KCNQ1: variants seen among roughly 807,000 people sequenced by gnomAD.
KCNQ1 encodes potassium voltage-gated channel subfamily KQT member 1.
Under a neutral mutation model 72.4 loss-of-function variants are expected in KCNQ1, and 49 were observed. The observed-to-expected ratio is 0.68, with a 90% confidence interval of 0.54 to 0.86. The LOEUF (loss-of-function observed/expected upper bound fraction) is 0.86, where lower values mean the gene tolerates loss of function less well. KCNQ1 is among the 40% of genes least tolerant of loss of function. The probability of loss-of-function intolerance (pLI) is 0.00; values close to 1 mark genes in which losing one functional copy is unlikely to be tolerated. For missense variants in KCNQ1, 790 were observed against 945.1 expected, an observed-to-expected ratio of 0.84 and a Z score of 2.15; for synonymous variants, 450 against 412.6, an observed-to-expected ratio of 1.09 and a Z score of -1.10.
chr11:2,608,318 A>G lies in KCNQ1; in HGVS notation c.1393+19464A>G, dbSNP rs929760207. The G allele has an allele frequency of 7.5e-6, 3 of 398,386 alleles. No individual in the cohort carries two copies. Among genetic ancestry groups the G allele is most frequent in the Middle Eastern group, 6.3e-4 (1 of 1,588 alleles). The allele number at this position is 398,386 out of a possible 1,614,324, so 24.7% of individuals were successfully genotyped here. On this transcript the variant is annotated intron_variant, in intron 10 of 15. Coordinates refer to ENST00000155840, the MANE Select transcript of KCNQ1 (RefSeq NM_000218.3). This position sits in a 1 kb window ranked among gnomAD's most constrained non-coding sequence, Gnocchi z 4.6. ...TATTACAGATCCATTCACATTTTCT[A>G]CTTATTTCTTAGTCAGTTTTCATAG...
chr11:2,564,677 G>A lies in KCNQ1; in HGVS notation c.478-5951G>A, dbSNP rs1848221085. Among the ~76,000 whole-genome samples the A allele has an allele frequency of 1.3e-5, 2 of 152,292 alleles. No homozygotes were observed. Among genetic ancestry groups the A allele is most frequent in the South Asian group, 4.2e-4 (2 of 4,818 alleles). On this transcript the variant is annotated intron_variant, in intron 2 of 15. Transcript: ENST00000155840. The surrounding 1 kb of genome is among the most constrained non-coding windows in gnomAD (Gnocchi z 4.5). ...TCCTTGCGACCATCGCCACCATCCA[G>A]CTCCAGAGCTTTTTTCATCTTGCAA...
rs1846178395 is a variant in KCNQ1, at chr11:2,748,760, C to T, written c.1515-20084C>T. The stretch of plus-strand genomic sequence containing the variant: ...CCATCTGTCACGTGACAGGGGCAGG[C>T]TAGGCCTTTCTTGAACTCACTGTGA... On this transcript the variant is annotated intron_variant, in intron 11 of 15. Transcript: ENST00000155840. This position sits in a 1 kb window ranked among gnomAD's most constrained non-coding sequence, Gnocchi z 6.2. Among the ~76,000 whole-genome samples, 1 of 152,214 alleles carries T rather than the reference C, an allele frequency of 6.6e-6. No homozygotes were observed.
rs944481843 is a variant in KCNQ1 at position 2,772,876 on chromosome 11, C to G, written c.1591-3084C>G. On this transcript the variant is annotated intron_variant, in intron 12 of 15. Coordinates refer to ENST00000155840, the MANE Select transcript of KCNQ1 (RefSeq NM_000218.3). The surrounding 1 kb of genome is among the most constrained non-coding windows in gnomAD (Gnocchi z 6.6). ...CTCCCTTCACCTGCCCACACCGCACCCAGATGGCTGGAGGTGCCCCATGCT... is the reference window on the plus strand; with the variant it reads ...CTCCCTTCACCTGCCCACACCGCACGCAGATGGCTGGAGGTGCCCCATGCT... Among the ~76,000 whole-genome samples the G allele has an allele frequency of 6.6e-6, 1 of 152,204 alleles. No individual in the cohort carries two copies. The highest frequency in any genetic ancestry group is 1.5e-5 in the Non-Finnish European group (1 of 68,030).
At position 2,463,370 on chromosome 11, in the gene KCNQ1, C is replaced by T. The variant is rs944130443; in HGVS notation, c.386+17886C>T. 2.6e-5 allele frequency among the ~76,000 whole-genome samples: 4 copies of T among 152,150 alleles called. No homozygotes were observed. Among genetic ancestry groups the T allele is most frequent in the South Asian group, 2.1e-4 (1 of 4,828 alleles). On this transcript the variant is annotated intron_variant, in intron 1 of 15. Coordinates refer to ENST00000155840, the MANE Select transcript of KCNQ1 (RefSeq NM_000218.3). This position sits in a 1 kb window ranked among gnomAD's most constrained non-coding sequence, Gnocchi z 7.0. ...TTGCCCCCTCTATCCCCCAGATCGGCGGCTGCTCAAGGAGCCTGGTACAGC... is the reference window on the plus strand; with the variant it reads ...TTGCCCCCTCTATCCCCCAGATCGGTGGCTGCTCAAGGAGCCTGGTACAGC...
Position 2,537,613 on chromosome 11 carries a change from T to C in KCNQ1, c.477+9595T>C, listed in dbSNP as rs925869992. 1.3e-5 allele frequency among the ~76,000 whole-genome samples: 2 copies of C among 152,102 alleles called. No individual in the cohort carries two copies. The highest frequency in any genetic ancestry group is 1.3e-4 in the Admixed American group (2 of 15,284). ...GAACGAGCAGCTCCCAGGCACCCTC[T>C]GCCAGGTCAGCAGTGGCTTTCATCT... On this transcript the variant is annotated intron_variant, in intron 2 of 15. Coordinates refer to ENST00000155840, the MANE Select transcript of KCNQ1 (RefSeq NM_000218.3). The surrounding 1 kb of genome is among the most constrained non-coding windows in gnomAD (Gnocchi z 5.2).
rs1554922466 is a variant in KCNQ1 at position 2,787,892 on chromosome 11, T to TGAAA, written c.1794+9856_1794+9859dup. ...AAATTTTAATTTTAATTTATTAAAA[T>TGAAA]GAAAATTCCATTCCTGGATCTCAGT... On this transcript the variant is annotated intron_variant, in intron 15 of 15. Transcript: ENST00000155840. The surrounding 1 kb of genome is among the most constrained non-coding windows in gnomAD (Gnocchi z 6.3). Among the ~76,000 whole-genome samples the TGAAA allele has an allele frequency of 6.6e-6, 1 of 152,158 alleles. No homozygotes were observed. The highest frequency in any genetic ancestry group is 2.4e-5 in the African/African-American group (1 of 41,414).
Position 2,711,144 on chromosome 11 carries a change from T to C in KCNQ1, c.1514+49063T>C, listed in dbSNP as rs1850996250. Among the ~76,000 whole-genome samples, 1 of 152,254 alleles carries C rather than the reference T, an allele frequency of 6.6e-6. No homozygotes were observed. The highest frequency in any genetic ancestry group is 2.1e-4 in the South Asian group (1 of 4,836). Reference sequence around the variant, plus strand: ...CATTGTATTTGGATTTTTAAAAATTTGGTTCAAGAATATCTCATAGTTTTC... The same window carrying C: ...CATTGTATTTGGATTTTTAAAAATTCGGTTCAAGAATATCTCATAGTTTTC... On this transcript the variant is annotated intron_variant, in intron 11 of 15. Coordinates refer to ENST00000155840, the MANE Select transcript of KCNQ1 (RefSeq NM_000218.3). This position sits in a 1 kb window ranked among gnomAD's most constrained non-coding sequence, Gnocchi z 5.4.
intron 11 of KCNQ1, among the ~76,000 whole-genome samples, chr11:2,729,073 C>A (rs1357333708): frequency 6.6e-6 from 1 of 152,244 alleles, no homozygotes; most frequent in Non-Finnish European, 1.5e-5. Flanking sequence ...ACTCCCACCC[C>A]CCGCCTGCCC....
Position 2,679,428 on chromosome 11 carries a change from G to C in KCNQ1, c.1514+17347G>C. The C allele has an allele frequency of 2.5e-6, 1 of 398,550 alleles. No homozygotes were observed. The highest frequency in any genetic ancestry group is 4.4e-6 in the Non-Finnish European group (1 of 226,058). The allele number at this position is 398,550 out of a possible 1,614,324, so 24.7% of individuals were successfully genotyped here. ...AATCATAAGAGTACCTTCCTCAGAG[G>C]GTTGTTAGGAGGATTACACAAATTA... On this transcript the variant is annotated intron_variant, in intron 11 of 15. Transcript: ENST00000155840. This position sits in a 1 kb window ranked among gnomAD's most constrained non-coding sequence, Gnocchi z 4.8.
rs970723832 is a variant in KCNQ1 at position 2,682,574 on chromosome 11, CAGGCA to C, written c.1514+20495_1514+20499del. The C allele has an allele frequency of 1.5e-5, 6 of 398,450 alleles. No homozygotes were observed. The highest frequency in any genetic ancestry group is 1.2e-4 in the African/African-American group (6 of 48,600). 24.7% of individuals were successfully genotyped at this position (398,450 alleles called of 1,614,324 possible). ...GGTTCCATAAGGCTATGCTGGGGTT[CAGGCA>C]ACCCAAGGCTGGTCTGGAGAGTGTA... On this transcript the variant is annotated intron_variant, in intron 11 of 15. Transcript: ENST00000155840. The surrounding 1 kb of genome is among the most constrained non-coding windows in gnomAD (Gnocchi z 5.8).
intron 2 of KCNQ1, among the ~76,000 whole-genome samples, chr11:2,531,012 G>A (rs958730948): frequency 6.6e-6 from 1 of 152,094 alleles, no homozygotes; most frequent in South Asian, 2.1e-4. Flanking sequence ...CGGTGCTAAC[G>A]TGAGCCCACC....
chr11:2,572,186 A>C, intron 5 of KCNQ1, 77 bp downstream of exon 5: 1 of 1,102,292 alleles, frequency 9.1e-7, no homozygotes, highest in Non-Finnish European at 1.3e-6. Flanking sequence ...ACACTAGGAC[A>C]GCTTGAGATG....
At chr11:2,829,643 A>G (rs181443475) in intron 15 of KCNQ1, among the ~76,000 whole-genome samples, 125 of 152,170 alleles carry the variant, frequency 8.2e-4, no homozygotes, top group African/African-American at 2.8e-3. Flanking sequence ...TGAGAACAAA[A>G]TCTTGATCAC....
intron 11 of KCNQ1, among the ~76,000 whole-genome samples, chr11:2,701,172 G>T (rs1312301974): frequency 2.0e-5 from 3 of 152,194 alleles, no homozygotes. Flanking sequence ...GAAAATATAC[G>T]TCTACGGGAG....
chr11:2,500,268 G>A (rs1217427027), intron 1 of KCNQ1, among the ~76,000 whole-genome samples: 3 of 152,130 alleles, frequency 2.0e-5, no homozygotes, highest in Non-Finnish European at 2.9e-5. Context: ...AAAAACATAT[G>A]AAAATGTGCT....
chr11:2,643,853 A>G, intron 10 of KCNQ1: 1 of 398,564 alleles, frequency 2.5e-6, no homozygotes, highest in Non-Finnish European at 4.4e-6. Flanking sequence ...GACGAATATA[A>G]CTTTGCTAAG....
In KCNQ1 at chr11:2,787,982, A is replaced by G. The variant is rs1255906878; in HGVS notation, c.1794+9945A>G. On this transcript the variant is annotated intron_variant, in intron 15 of 15. Coordinates refer to ENST00000155840, the MANE Select transcript of KCNQ1 (RefSeq NM_000218.3). This position sits in a 1 kb window ranked among gnomAD's most constrained non-coding sequence, Gnocchi z 6.3. ...TGGGACAGCGCTGCTTTGGACGGGC[A>G]TGGCCGTGCGCGCGTGTGGGGAGGT... Among the ~76,000 whole-genome samples, 1 of 152,216 alleles carries G rather than the reference A, an allele frequency of 6.6e-6. No individual in the cohort carries two copies.
chr11:2,585,128 C>A, intron 7 of KCNQ1, 84 bp from the exon 8 acceptor site: 1 of 1,243,912 alleles, frequency 8.0e-7, no homozygotes, highest in Non-Finnish European at 1.2e-6. Flanking sequence ...CTTCCCACAA[C>A]GGTGACCGGT....
rs183581027 is a variant in KCNQ1, at chr11:2,664,985, C to G, written c.1514+2904C>G. Reference sequence around the variant, plus strand: ...TTACGGGAAGGTCCCTGGGGCTGGGCGAAGCTCCTCTTTCCGGGGCCTGTT... The same window carrying G: ...TTACGGGAAGGTCCCTGGGGCTGGGGGAAGCTCCTCTTTCCGGGGCCTGTT... On this transcript the variant is annotated intron_variant, in intron 11 of 15. Transcript: ENST00000155840. The surrounding 1 kb of genome is among the most constrained non-coding windows in gnomAD (Gnocchi z 5.1). 2 of 398,452 alleles carry G rather than the reference C, an allele frequency of 5.0e-6. No individual in the cohort carries two copies. The highest frequency in any genetic ancestry group is 8.8e-6 in the Non-Finnish European group (2 of 226,112). The allele number at this position is 398,452 out of a possible 1,614,324, so 24.7% of individuals were successfully genotyped here.
Sources: gnomAD v4.1 joint callset for allele counts (sites outside exome capture counted in the v4.1 genomes callset) on GRCh38, gnomAD v4.1.1 for gene constraint, Gnocchi (gnomAD v3.1) non-coding constraint, MANE v1.5 for transcripts, NCBI Gene and HGNC (gene_info 2026-07-23, HGNC 2026-07-21) for gene names.